LRRC75A: variants seen among roughly 807,000 people sequenced by gnomAD.
LRRC75A encodes leucine-rich repeat-containing protein 75A.
LRRC75A carries 12 observed loss-of-function variants against 26.0 expected under a neutral mutation model. That is an observed-to-expected ratio of 0.46 (90% confidence interval 0.30 to 0.75). The LOEUF (loss-of-function observed/expected upper bound fraction) is 0.75. Among genes scored for constraint, LRRC75A ranks in the 30% least tolerant of loss-of-function variants. LRRC75A has a pLI of 0.08. For synonymous variants in LRRC75A, 223 were observed against 219.3 expected (o/e 1.02, Z -0.15); for missense variants, 410 against 486.6 (o/e 0.84, Z 1.48).
chr17:16,481,386 C>T (rs1474599751), intron 1 of LRRC75A, among the ~76,000 whole-genome samples: 3 of 152,186 alleles, frequency 2.0e-5, no homozygotes, highest in Admixed American at 6.5e-5. Context: ...GGTGTTTATA[C>T]ATGTAAATCT....
At chr17:16,476,783 G>A (rs1441922922) in intron 1 of LRRC75A, among the ~76,000 whole-genome samples, 6 of 136,644 alleles carry the variant, frequency 4.4e-5, no homozygotes, top group African/African-American at 1.7e-4. Context: ...CTATCACCCA[G>A]GCTGGAGTGC....
intron 2 of LRRC75A, among the ~76,000 whole-genome samples, chr17:16,454,488 T>C (rs2093660879): frequency 6.6e-6 from 1 of 151,548 alleles, no homozygotes; most frequent in Non-Finnish European, 1.5e-5. Context: ...GGTTGGGAGT[T>C]TGAGACCAGC....
At chr17:16,479,959 G>C (rs1338434387) in intron 1 of LRRC75A, among the ~76,000 whole-genome samples, 1 of 152,242 alleles carries the variant, frequency 6.6e-6, no homozygotes, top group African/African-American at 2.4e-5. Context: ...TGAACAGTGG[G>C]CCAGTGTTCC....
At chr17:16,475,677 A>T (rs2093817937) in intron 1 of LRRC75A, among the ~76,000 whole-genome samples, 1 of 152,108 alleles carries the variant, frequency 6.6e-6, no homozygotes, top group South Asian at 2.1e-4. Flanking sequence ...TGGGAGGCTG[A>T]TCCTCCTGCC....
chr17:16,476,429 C>G (rs1444436487), intron 1 of LRRC75A, among the ~76,000 whole-genome samples: 1 of 150,520 alleles, frequency 6.6e-6, no homozygotes, highest in Non-Finnish European at 1.5e-5. Flanking sequence ...CTAGGCTGGT[C>G]TTGAACTCCT....
At chr17:16,457,507 T>C (rs1334070558) in intron 2 of LRRC75A, among the ~76,000 whole-genome samples, 2 of 152,212 alleles carry the variant, frequency 1.3e-5, no homozygotes, top group Non-Finnish European at 2.9e-5. Context: ...CACTTCGGCA[T>C]GTGCAGCCGC....
chr17:16,469,101 A>G (rs2093790961), intron 1 of LRRC75A, among the ~76,000 whole-genome samples: 1 of 152,046 alleles, frequency 6.6e-6, no homozygotes, highest in African/African-American at 2.4e-5. Context: ...GAAAACCAAC[A>G]CTGGCTCTGT....
At chr17:16,446,036 G>A (rs564637901) in intron 3 of LRRC75A, among the ~76,000 whole-genome samples, 1 of 152,334 alleles carries the variant, frequency 6.6e-6, no homozygotes, top group South Asian at 2.1e-4. Flanking sequence ...AGCCTTCTGA[G>A]TAGCTGGGAT....
In LRRC75A at chr17:16,491,811, C is replaced by A; in HGVS notation, c.180G>T (p.Glu60Asp). 7.0e-7 allele frequency: 1 copy of A among 1,419,260 alleles called. No individual in the cohort carries two copies. The highest frequency in any genetic ancestry group is 1.4e-5 in the South Asian group (1 of 71,586). The allele number at this position is 1,419,260 out of a possible 1,614,324, so 87.9% of individuals were successfully genotyped here. A position where few individuals can be genotyped will look rare whatever the true frequency, so the allele number is the denominator to read the frequency against. The stretch of plus-strand genomic sequence containing the variant: ...GGCCCTGGCGCACCATCCGCAGCAG[C>A]TCCTGGACCATGCCGACTCGCCGGT... ...PYHRRVGMVQ[E>D]LLRMVRQGRR... Residue 60 changes from glutamate to aspartate, a missense_variant, in exon 1 of 4, where the codon GAG becomes GAT. Physicochemically the swap from Glu to Asp is conservative, Grantham distance 45 (BLOSUM62 2). Transcript: ENST00000470794. The surrounding 1 kb of genome is among the most constrained non-coding windows in gnomAD (Gnocchi z 5.9).
At chr17:16,453,994 A>C (rs1447063578) in intron 2 of LRRC75A, among the ~76,000 whole-genome samples, 1 of 152,214 alleles carries the variant, frequency 6.6e-6, no homozygotes, top group Non-Finnish European at 1.5e-5. Context: ...GAATCTGAGC[A>C]GATAGCCTTC....
chr17:16,448,964 A>C (rs1480037490), intron 2 of LRRC75A, among the ~76,000 whole-genome samples: 1 of 152,202 alleles, frequency 6.6e-6, no homozygotes, highest in Non-Finnish European at 1.5e-5. Context: ...CTCCAACTAC[A>C]TCCCTAGGAA....
chr17:16,477,908 G>C (rs1273918623), intron 1 of LRRC75A, among the ~76,000 whole-genome samples: 1 of 152,142 alleles, frequency 6.6e-6, no homozygotes, highest in African/African-American at 2.4e-5. Flanking sequence ...ACAGCTTCGA[G>C]ACACCGGGAG....
intron 1 of LRRC75A, among the ~76,000 whole-genome samples, chr17:16,488,565 G>A (rs1427771946): frequency 6.6e-6 from 1 of 152,128 alleles, no homozygotes; most frequent in Non-Finnish European, 1.5e-5. Context: ...ATCCCTCTTT[G>A]GGAAACAAAG....
intron 1 of LRRC75A, among the ~76,000 whole-genome samples, chr17:16,485,434 G>A (rs563283891): frequency 2.0e-5 from 3 of 152,254 alleles, no homozygotes; most frequent in East Asian, 1.9e-4. Context: ...AGAATGCAGC[G>A]AGAGGGTACC....
chr17:16,462,785 TGTG>T lies in LRRC75A; in HGVS notation c.247-402_247-400del. ...ACAGGATGGTTTAATGATATTTATTTGTGTTTTCTTCCTGCTTCTGACGTTGTT... is the reference window on the plus strand; with the variant it reads ...ACAGGATGGTTTAATGATATTTATTTTTTTCTTCCTGCTTCTGACGTTGTT... On this transcript the variant is annotated intron_variant, in intron 1 of 3. Coordinates refer to ENST00000470794, the MANE Select transcript of LRRC75A (RefSeq NM_001113567.3). The surrounding 1 kb of genome is among the most constrained non-coding windows in gnomAD (Gnocchi z 4.6). 1 of 185,688 alleles carries T rather than the reference TGTG, an allele frequency of 5.4e-6. No individual in the cohort carries two copies. The highest frequency in any genetic ancestry group is 1.1e-4 in the South Asian group (1 of 8,724). The allele number at this position is 185,688 out of a possible 1,614,324, so 11.5% of individuals were successfully genotyped here.
intron 1 of LRRC75A, among the ~76,000 whole-genome samples, chr17:16,471,100 A>C (rs1479971351): frequency 2.0e-5 from 3 of 152,242 alleles, no homozygotes; most frequent in Non-Finnish European, 4.4e-5. Flanking sequence ...GATTACCTTC[A>C]GGACCCTGAG....
At chr17:16,469,500 G>C (rs1170497781) in intron 1 of LRRC75A, among the ~76,000 whole-genome samples, 1 of 152,154 alleles carries the variant, frequency 6.6e-6, no homozygotes, top group Non-Finnish European at 1.5e-5. Flanking sequence ...AAGATCTAGT[G>C]ACACCCACGT....
chr17:16,450,735 A>G (rs116520253), intron 2 of LRRC75A, among the ~76,000 whole-genome samples: 1,698 of 152,228 alleles, frequency 0.011, 32 homozygotes, highest in African/African-American at 0.039. Context: ...GAGTCCCTCA[A>G]GGGGGATGTT....
intron 2 of LRRC75A, among the ~76,000 whole-genome samples, chr17:16,450,205 G>A (rs4792747): frequency 0.35 from 52,697 of 152,158 alleles, 9,539 homozygotes; most frequent in Non-Finnish European, 0.38. Context: ...ATTATGCAGT[G>A]GGGGAGCCTG....
Sources: allele counts gnomAD v4.1 joint callset (sites outside exome capture counted in the v4.1 genomes callset), GRCh38; gene constraint gnomAD v4.1.1; non-coding constraint Gnocchi (gnomAD v3.1); transcripts MANE v1.5; gene names NCBI Gene and HGNC (gene_info 2026-07-23, HGNC 2026-07-21).